SAMTOR: variants seen among roughly 807,000 people sequenced by gnomAD.
The protein encoded by SAMTOR is UPF0532 protein C7orf60.
At chr7:112,878,384 A>G in the SAMTOR span, among the ~76,000 whole-genome samples, 2 of 152,148 alleles carry the variant, frequency 1.3e-5, no homozygotes, top group African/African-American at 4.8e-5. Context: ...TAGTATGAAT[A>G]TAAAAATTCT....
At chr7:112,880,602 ATTT>A in the SAMTOR span, among the ~76,000 whole-genome samples, 3 of 152,172 alleles carry the variant, frequency 2.0e-5, no homozygotes, top group African/African-American at 7.2e-5. Flanking sequence ...TAGATTATGC[ATTT>A]TTTACAGAGG....
At chr7:112,835,940 G>A in the SAMTOR span, among the ~76,000 whole-genome samples, 1 of 152,090 alleles carries the variant, frequency 6.6e-6, no homozygotes, top group African/African-American at 2.4e-5. Flanking sequence ...GTGCCGTGAT[G>A]AACGTATGTG....
chr7:112,882,682 T>G, the SAMTOR span, among the ~76,000 whole-genome samples: 16 of 151,176 alleles, frequency 1.1e-4, no homozygotes, highest in Non-Finnish European at 1.8e-4. Context: ...AGCAAGACTC[T>G]GTCTTGAAAA....
the SAMTOR span, among the ~76,000 whole-genome samples, chr7:112,850,242 T>C: frequency 1.3e-5 from 2 of 152,176 alleles, no homozygotes; most frequent in African/African-American, 4.8e-5. Flanking sequence ...TTTGCATCCC[T>C]GGAATAAAAC....
At chr7:112,889,460 G>A in the SAMTOR span, among the ~76,000 whole-genome samples, 1 of 152,158 alleles carries the variant, frequency 6.6e-6, no homozygotes, top group Non-Finnish European at 1.5e-5. Flanking sequence ...CATGTGACCA[G>A]AATACAAGCT....
chr7:112,912,332 C>G, the SAMTOR span, among the ~76,000 whole-genome samples: 2 of 151,814 alleles, frequency 1.3e-5, no homozygotes, highest in African/African-American at 4.8e-5. Flanking sequence ...ATAGCTATAC[C>G]TGTATATTGC....
the SAMTOR span, among the ~76,000 whole-genome samples, chr7:112,838,830 G>T: frequency 1.3e-5 from 2 of 151,750 alleles, no homozygotes; most frequent in African/African-American, 4.8e-5. Context: ...AAATTATTTT[G>T]TGTGTCTTGA....
the SAMTOR span, among the ~76,000 whole-genome samples, chr7:112,926,782 T>C: frequency 6.6e-6 from 1 of 152,168 alleles, no homozygotes; most frequent in Non-Finnish European, 1.5e-5. Flanking sequence ...ATGTAAAATG[T>C]GGAAATGCTA....
chr7:112,826,549 A>G, the SAMTOR span, among the ~76,000 whole-genome samples: 1 of 152,086 alleles, frequency 6.6e-6, no homozygotes, highest in Non-Finnish European at 1.5e-5. Context: ...AGAGTTTATA[A>G]ATTTTATTCA....
the SAMTOR span, among the ~76,000 whole-genome samples, chr7:112,909,506 G>A: frequency 3.9e-5 from 6 of 152,044 alleles, no homozygotes; most frequent in Non-Finnish European, 7.4e-5. Context: ...TAGCAAATTG[G>A]TATTACAACC....
chr7:112,938,088 G>T, the SAMTOR span, among the ~76,000 whole-genome samples: 4 of 152,092 alleles, frequency 2.6e-5, no homozygotes, highest in African/African-American at 9.7e-5. Context: ...GCAGGAAAAT[G>T]TGTCCATTTA....
the SAMTOR span, among the ~76,000 whole-genome samples, chr7:112,860,885 C>G: frequency 1.5e-5 from 2 of 133,578 alleles, no homozygotes; most frequent in Admixed American, 1.7e-4. Flanking sequence ...GCACTCCAGC[C>G]TGGGGTGACA....
At chr7:112,821,835 G>A in the SAMTOR span, 1 of 1,613,638 alleles carries the variant, frequency 6.2e-7, no homozygotes, top group East Asian at 2.2e-5. Context: ...TGGCGCATCA[G>A]GGAGTTCTGT....
the SAMTOR span, among the ~76,000 whole-genome samples, chr7:112,860,735 C>A: frequency 6.6e-6 from 1 of 151,734 alleles, no homozygotes. Context: ...CGGTGAAACC[C>A]CATCTCTACT....
At chr7:112,855,196 G>T in the SAMTOR span, among the ~76,000 whole-genome samples, 1 of 152,164 alleles carries the variant, frequency 6.6e-6, no homozygotes, top group African/African-American at 2.4e-5. Context: ...AATATAGAAG[G>T]AAATGGCAGT....
At chr7:112,887,937 T>A in the SAMTOR span, among the ~76,000 whole-genome samples, 6 of 152,146 alleles carry the variant, frequency 3.9e-5, no homozygotes, top group African/African-American at 1.4e-4. Flanking sequence ...CTGTTTTCAA[T>A]TTCATTAATT....
the SAMTOR span, among the ~76,000 whole-genome samples, chr7:112,902,597 A>C: frequency 1.3e-5 from 2 of 152,144 alleles, no homozygotes; most frequent in African/African-American, 4.8e-5. Context: ...AATGTACAAC[A>C]TCAAGAATGA....
At chr7:112,891,418 A>G in the SAMTOR span, among the ~76,000 whole-genome samples, 1 of 152,242 alleles carries the variant, frequency 6.6e-6, no homozygotes, top group Admixed American at 6.5e-5. Flanking sequence ...GCTTGTTATT[A>G]TCTATAGTTT....
At chr7:112,872,524 C>CAA in the SAMTOR span, among the ~76,000 whole-genome samples, 1 of 151,954 alleles carries the variant, frequency 6.6e-6, no homozygotes, top group Non-Finnish European at 1.5e-5. Flanking sequence ...GCTGAACTGG[C>CAA]AAAAGCTGGT....
Sources: gnomAD v4.1 joint callset for allele counts (sites outside exome capture counted in the v4.1 genomes callset) on GRCh38, gnomAD v4.1.1 for gene constraint, MANE v1.5 for transcripts, NCBI Gene and HGNC (gene_info 2026-07-23, HGNC 2026-07-21) for gene names.